The following NECAB1 variants were observed in gnomAD, a reference collection of about 807,000 sequenced individuals.
NECAB1 encodes N-terminal EF-hand calcium binding protein 1.
In NECAB1, 29 loss-of-function variants were observed where a neutral mutation model predicts 57.5. The observed-to-expected ratio is 0.50, with a 90% CI of 0.38 to 0.69. The LOEUF (loss-of-function observed/expected upper bound fraction) is 0.69. Among genes scored for constraint, NECAB1 ranks in the 30% least tolerant of loss-of-function variants. The pLI, the probability that NECAB1 is intolerant of heterozygous loss-of-function variation, is 0.00. For missense variants in NECAB1, 372 were observed against 413.8 expected (o/e 0.90, Z 0.88); for synonymous variants, 142 against 147.7 (o/e 0.96, Z 0.28).
intron 12 of NECAB1, among the ~76,000 whole-genome samples, 161 bp downstream of exon 12, chr8:90,951,365 A>G (rs1810922320): frequency 6.6e-6 from 1 of 152,142 alleles, no homozygotes; most frequent in Admixed American, 6.6e-5. Context: ...AAGAAATAAA[A>G]GATCTATATA....
Position 90,855,613 on chromosome 8 carries a change from T to C in NECAB1, c.234-16515T>C, listed in dbSNP as rs185481820. On this transcript the variant is annotated intron_variant, in intron 3 of 12. Transcript: ENST00000417640. ...AAGGATCTAGAGAACAATAACAGCC[T>C]GGAAAGCACATGTTCCTTTATGATT... 5.9e-5 allele frequency among the ~76,000 whole-genome samples: 9 copies of C among 152,356 alleles called. No individual in the cohort carries two copies. In the East Asian group the frequency reaches 1.7e-3, roughly 29 times the overall value.
chr8:90,869,679 C>A (rs1808586756), intron 3 of NECAB1, among the ~76,000 whole-genome samples: 2 of 152,150 alleles, frequency 1.3e-5, no homozygotes, highest in South Asian at 4.1e-4. Context: ...AGTGCCTGTA[C>A]CCCCATTGTA....
intron 5 of NECAB1, among the ~76,000 whole-genome samples, chr8:90,903,477 A>G (rs1006928527): frequency 3.9e-5 from 6 of 152,208 alleles, no homozygotes; most frequent in Non-Finnish European, 8.8e-5. Flanking sequence ...TAGTTACTAA[A>G]AACAGTTGCT....
At chr8:90,863,683 T>C (rs1314519262) in intron 3 of NECAB1, among the ~76,000 whole-genome samples, 1 of 152,142 alleles carries the variant, frequency 6.6e-6, no homozygotes, top group Non-Finnish European at 1.5e-5. Context: ...TTTAATACTT[T>C]CTTTACATTA....
At chr8:90,830,700 T>A (rs1478046045) in intron 3 of NECAB1, among the ~76,000 whole-genome samples, 1 of 152,128 alleles carries the variant, frequency 6.6e-6, no homozygotes, top group Non-Finnish European at 1.5e-5. Flanking sequence ...AGGCTTTAAG[T>A]AGCTTTCTTG....
intron 10 of NECAB1, among the ~76,000 whole-genome samples, chr8:90,947,392 CT>C (rs760323596): frequency 0.072 from 8,773 of 121,800 alleles, 513 homozygotes; most frequent in Middle Eastern, 0.11. Flanking sequence ...CATGTAACTT[CT>C]TTTTTTTTTT....
At chr8:90,878,919 A>C (rs34371011) in intron 4 of NECAB1, among the ~76,000 whole-genome samples, 8,804 of 143,606 alleles carry the variant, frequency 0.061, 386 homozygotes, top group African/African-American at 0.13. Context: ...CTCTCTCTCT[A>C]TATATATATA....
At chr8:90,882,151 A>G (rs750514547) in intron 5 of NECAB1, among the ~76,000 whole-genome samples, 54 of 152,340 alleles carry the variant, frequency 3.5e-4, no homozygotes, top group Non-Finnish European at 6.0e-4. Context: ...AAAAAACCTC[A>G]TGCAGTCTTT....
At chr8:90,882,566 T>C (rs952018286) in intron 5 of NECAB1, among the ~76,000 whole-genome samples, 8 of 152,154 alleles carry the variant, frequency 5.3e-5, no homozygotes, top group African/African-American at 1.9e-4. Flanking sequence ...ATTATCTGCT[T>C]TGTGTGTCTA....
At chr8:90,914,633 A>G (rs973758208) in intron 5 of NECAB1, among the ~76,000 whole-genome samples, 2 of 152,180 alleles carry the variant, frequency 1.3e-5, no homozygotes, top group African/African-American at 4.8e-5. Flanking sequence ...CTACAGAGTC[A>G]CTAGTAAGGT....
chr8:90,899,212 T>C (rs1384865891), intron 5 of NECAB1, among the ~76,000 whole-genome samples: 2 of 152,162 alleles, frequency 1.3e-5, no homozygotes, highest in Non-Finnish European at 2.9e-5. Context: ...GGCTTCAGCA[T>C]GAACACTGCT....
intron 3 of NECAB1, among the ~76,000 whole-genome samples, chr8:90,834,080 T>C (rs1186723922): frequency 1.3e-5 from 2 of 148,778 alleles, no homozygotes; most frequent in East Asian, 2.0e-4. Context: ...TGAGAATTGA[T>C]TGAACCCAGC....
At chr8:90,952,462 G>T (rs1810940758) in intron 12 of NECAB1, among the ~76,000 whole-genome samples, 1 of 152,012 alleles carries the variant, frequency 6.6e-6, no homozygotes, top group Admixed American at 6.6e-5. Context: ...ATGAGTGGGG[G>T]ATGTATAGTG....
intron 3 of NECAB1, among the ~76,000 whole-genome samples, chr8:90,846,418 T>C (rs2129759460): frequency 1.3e-5 from 2 of 152,336 alleles, no homozygotes; most frequent in South Asian, 4.1e-4. Context: ...AATGCAGTAA[T>C]TATGTCATAA....
chr8:90,849,200 T>G (rs796365687), intron 3 of NECAB1, among the ~76,000 whole-genome samples: 19 of 152,306 alleles, frequency 1.2e-4, no homozygotes, highest in African/African-American at 4.6e-4. Flanking sequence ...CTGGGTATAG[T>G]GGCTCATGCC....
chr8:90,829,871 C>G (rs1390625342), intron 3 of NECAB1, among the ~76,000 whole-genome samples: 6 of 152,004 alleles, frequency 3.9e-5, no homozygotes, highest in Admixed American at 3.9e-4. Context: ...TATTTTATGA[C>G]AAGTCTTTCT....
chr8:90,918,652 G>C (rs1323686439), intron 6 of NECAB1, among the ~76,000 whole-genome samples: 1 of 152,142 alleles, frequency 6.6e-6, no homozygotes, highest in Non-Finnish European at 1.5e-5. Flanking sequence ...GACAAGACTT[G>C]AACTGGACCT....
At chr8:90,802,447 T>TTTTTG (rs1399519817) in intron 2 of NECAB1, among the ~76,000 whole-genome samples, 1 of 152,158 alleles carries the variant, frequency 6.6e-6, no homozygotes, top group African/African-American at 2.4e-5. Flanking sequence ...GCTTGTTTTG[T>TTTTTG]TTTTGTTTTG....
intron 10 of NECAB1, among the ~76,000 whole-genome samples, chr8:90,947,460 G>GCTT (rs1810838174): frequency 1.3e-5 from 2 of 149,762 alleles, no homozygotes; most frequent in East Asian, 3.9e-4. Context: ...GAGTGCAGTG[G>GCTT]CTTGATCTTG....
Sources: gnomAD v4.1 joint callset for allele counts (sites outside exome capture counted in the v4.1 genomes callset) on GRCh38, gnomAD v4.1.1 for gene constraint, MANE v1.5 for transcripts, NCBI Gene and HGNC (gene_info 2026-07-23, HGNC 2026-07-21) for gene names.